The following FOXN3 variants were observed in gnomAD, a reference collection of about 807,000 sequenced individuals.
The protein encoded by FOXN3 is forkhead box N3.
FOXN3 carries 7 observed loss-of-function variants against 38.4 expected under a neutral mutation model. That is an observed-to-expected ratio of 0.18 (90% confidence interval 0.10 to 0.34). FOXN3 has a LOEUF of 0.34. Among genes scored for constraint, FOXN3 ranks in the 10% least tolerant of loss-of-function variants. The pLI is 1.00. For synonymous variants in FOXN3, 230 were observed against 242.2 expected (o/e 0.95, Z 0.47); for missense variants, 456 against 613.4 (o/e 0.74, Z 2.71).
At chr14:89,215,063 A>C (rs1180385021) in intron 4 of FOXN3, among the ~76,000 whole-genome samples, 3 of 152,250 alleles carry the variant, frequency 2.0e-5, no homozygotes, top group African/African-American at 7.2e-5. Context: ...AACCAGACAA[A>C]AACAGGATTG....
chr14:89,374,290 A>AAAAAAAAAAAAAG, intron 2 of FOXN3, among the ~76,000 whole-genome samples: 1 of 126,160 alleles, frequency 7.9e-6, no homozygotes, highest in Non-Finnish European at 1.7e-5. Context: ...AAAAAAAAAA[A>AAAAAAAAAAAAAG]GAAGGAAGGA....
chr14:89,213,972 C>G lies in FOXN3; in HGVS notation c.746-33166G>C, dbSNP rs572259799. ...GATGGGTCTTTACTCAATGAGTTTT[C>G]TCACGGATCTTTAAAGAGTTTAAAA... On this transcript the variant is annotated intron_variant, in intron 4 of 5. Coordinates refer to ENST00000557258, the MANE Select transcript of FOXN3 (RefSeq NM_005197.4). 2.6e-5 allele frequency among the ~76,000 whole-genome samples: 4 copies of G among 152,298 alleles called. No individual in the cohort carries two copies. In the East Asian group the frequency reaches 7.7e-4, roughly 29 times the overall value.
chr14:89,444,600 T>C (rs1892456071), intron 1 of FOXN3, among the ~76,000 whole-genome samples: 1 of 152,160 alleles, frequency 6.6e-6, no homozygotes, highest in Admixed American at 6.5e-5. Context: ...AATTTTATCA[T>C]TTACAACCCC....
rs1887159272 is a variant in FOXN3 at position 89,163,470 on chromosome 14, A to T, written c.852-501T>A. Among the ~76,000 whole-genome samples the T allele has an allele frequency of 2.6e-5, 4 of 152,130 alleles. No individual in the cohort carries two copies. In the South Asian group the frequency reaches 8.3e-4, roughly 31 times the overall value. On this transcript the variant is annotated intron_variant, in intron 5 of 5. Transcript: ENST00000557258. This position sits in a 1 kb window ranked among gnomAD's most constrained non-coding sequence, Gnocchi z 4.3. Reference sequence around the variant, plus strand: ...GCCATGTGGTGACAGCTACTCACTCATGCATTCCCTCCCTCGTTCATGCAA... The same window carrying T: ...GCCATGTGGTGACAGCTACTCACTCTTGCATTCCCTCCCTCGTTCATGCAA...
chr14:89,263,021 T>A (rs911288239), intron 4 of FOXN3, among the ~76,000 whole-genome samples: 20 of 152,222 alleles, frequency 1.3e-4, no homozygotes, highest in Non-Finnish European at 2.6e-4. Context: ...TAGATCGCAG[T>A]GAAATTGGCC....
intron 1 of FOXN3, among the ~76,000 whole-genome samples, chr14:89,583,462 C>T (rs73315236): frequency 0.061 from 9,258 of 152,250 alleles, 558 homozygotes; most frequent in African/African-American, 0.16. Flanking sequence ...AAGGATGCTG[C>T]AAGAAGGCCC....
intron 1 of FOXN3, among the ~76,000 whole-genome samples, chr14:89,534,907 C>T (rs1018964094): frequency 4.6e-5 from 7 of 152,302 alleles, no homozygotes; most frequent in Non-Finnish European, 7.3e-5. Context: ...GCAGAAGCTC[C>T]GGGGATATAT....
chr14:89,395,214 TA>T (rs889893037), intron 2 of FOXN3, among the ~76,000 whole-genome samples: 8 of 152,092 alleles, frequency 5.3e-5, no homozygotes, highest in Admixed American at 1.3e-4. Flanking sequence ...AGGAGGAGAA[TA>T]AAAGAGTCCC....
chr14:89,464,486 G>T (rs1892928591), intron 1 of FOXN3, among the ~76,000 whole-genome samples: 1 of 152,120 alleles, frequency 6.6e-6, no homozygotes, highest in African/African-American at 2.4e-5. Flanking sequence ...AGAAACCTTT[G>T]CTGAGAAAGC....
chr14:89,481,103 T>TC (rs1555356235), intron 1 of FOXN3, among the ~76,000 whole-genome samples: 1 of 151,418 alleles, frequency 6.6e-6, no homozygotes, highest in South Asian at 2.1e-4. Context: ...TTTTTTTTTT[T>TC]AATAAACAAA....
At chr14:89,234,513 G>A (rs1293557502) in intron 4 of FOXN3, among the ~76,000 whole-genome samples, 2 of 152,060 alleles carry the variant, frequency 1.3e-5, no homozygotes, top group African/African-American at 4.8e-5. Flanking sequence ...ATTAATTAGG[G>A]GGGCAGATCC....
intron 1 of FOXN3, among the ~76,000 whole-genome samples, chr14:89,512,922 C>T (rs1033981384): frequency 2.0e-5 from 3 of 151,982 alleles, no homozygotes; most frequent in Non-Finnish European, 2.9e-5. Flanking sequence ...GGGTGGATCA[C>T]GAGGTCAGGA....
intron 3 of FOXN3, chr14:89,291,406 G>A (rs1342820040): frequency 3.3e-6 from 2 of 606,278 alleles, no homozygotes; most frequent in Non-Finnish European, 6.5e-6. Context: ...GGATGCTACT[G>A]TTCTTTAAAA....
intron 3 of FOXN3, among the ~76,000 whole-genome samples, chr14:89,347,684 T>C (rs1307470920): frequency 9.2e-5 from 14 of 152,214 alleles, no homozygotes; most frequent in Non-Finnish European, 2.9e-5. Flanking sequence ...CCGGGCGCGG[T>C]GGCTCACGCC....
intron 1 of FOXN3, among the ~76,000 whole-genome samples, chr14:89,616,521 A>C (rs434161): frequency 0.67 from 92,602 of 137,396 alleles, 31,368 homozygotes; most frequent in East Asian, 0.83. Flanking sequence ...TCACTCCCCA[A>C]CCCCACCCCC....
At chr14:89,410,832 C>A (rs1290381730) in intron 2 of FOXN3, among the ~76,000 whole-genome samples, 1 of 150,892 alleles carries the variant, frequency 6.6e-6, no homozygotes, top group Non-Finnish European at 1.5e-5. Flanking sequence ...GTGATCACAC[C>A]ATTGCACTCC....
At chr14:89,177,009 CTTTTTT>C (rs34575638) in intron 5 of FOXN3, among the ~76,000 whole-genome samples, 6 of 114,212 alleles carry the variant, frequency 5.3e-5, no homozygotes, top group Admixed American at 9.1e-5. Context: ...CTCTTTCTTT[CTTTTTT>C]TTTTTTTTTT....
At chr14:89,358,328 C>A (rs1033892722) in intron 2 of FOXN3, among the ~76,000 whole-genome samples, 1 of 152,168 alleles carries the variant, frequency 6.6e-6, no homozygotes, top group African/African-American at 2.4e-5. Context: ...ACTTAAAAAC[C>A]AGAGAAGGAG....
rs1219043533 is a variant in FOXN3, at chr14:89,163,563, C to T, written c.852-594G>A. ...TAGGGAGGGTTCTGGGGGAGGGACA[C>T]GGGGTTGGATCGGATATAGACACTG... On this transcript the variant is annotated intron_variant, in intron 5 of 5. Transcript: ENST00000557258. The surrounding 1 kb of genome is among the most constrained non-coding windows in gnomAD (Gnocchi z 4.3). 1.3e-5 allele frequency among the ~76,000 whole-genome samples: 2 copies of T among 152,056 alleles called. No homozygotes were observed. Among genetic ancestry groups the T allele is most frequent in the Non-Finnish European group, 2.9e-5 (2 of 68,030 alleles).
Sources: gnomAD v4.1 joint callset for allele counts (sites outside exome capture counted in the v4.1 genomes callset) on GRCh38, gnomAD v4.1.1 for gene constraint, Gnocchi (gnomAD v3.1) non-coding constraint, MANE v1.5 for transcripts, NCBI Gene and HGNC (gene_info 2026-07-23, HGNC 2026-07-21) for gene names.